Variants in PDE5A observed in about 807,000 individuals in gnomAD.
PDE5A encodes cGMP-specific 3',5'-cyclic phosphodiesterase.
PDE5A carries 67 observed loss-of-function variants against 110.2 expected under a neutral mutation model. The ratio of observed to expected loss-of-function variants is 0.61; its 90% CI spans 0.50 to 0.75. PDE5A has a LOEUF of 0.75. Ranked by LOEUF, PDE5A falls within the 30% of genes least tolerant of loss-of-function variation. The pLI is 0.00. For missense variants in PDE5A, 862 were observed against 1,045.1 expected, an observed-to-expected ratio of 0.82 and a Z score of 2.42; for synonymous variants, 328 against 351.2, an observed-to-expected ratio of 0.93 and a Z score of 0.74.
chr4:119,536,466 A>G (rs188755176), intron 11 of PDE5A, among the ~76,000 whole-genome samples: 17 of 152,206 alleles, frequency 1.1e-4, no homozygotes, highest in African/African-American at 3.6e-4. Flanking sequence ...AAATGGGCCA[A>G]TTAAGCCTGA....
Position 119,627,146 on chromosome 4 carries a change from G to T in PDE5A, c.152+1374C>A, listed in dbSNP as rs753062270. On this transcript the variant is annotated intron_variant, in intron 1 of 20. Transcript: ENST00000354960. The surrounding 1 kb of genome is among the most constrained non-coding windows in gnomAD (Gnocchi z 4.6). Reference sequence around the variant, plus strand: ...GGGACGTAGGGGGATGCTGAAGGAAGTACCTTGTTTTGTCTCCAAAGGGCA... The same window carrying T: ...GGGACGTAGGGGGATGCTGAAGGAATTACCTTGTTTTGTCTCCAAAGGGCA... The T allele has an allele frequency of 1.2e-6, 2 of 1,612,914 alleles. No homozygotes were observed. Among genetic ancestry groups the T allele is most frequent in the South Asian group, 2.2e-5 (2 of 90,932 alleles).
At chr4:119,550,576 G>T (rs1727311102) in intron 9 of PDE5A, 1 of 152,134 alleles carries the variant, frequency 6.6e-6, no homozygotes, top group Non-Finnish European at 1.5e-5. Flanking sequence ...AGTGACAAAG[G>T]GGCCTGATGC....
chr4:119,628,383 G>C, intron 1 of PDE5A, 137 bp downstream of exon 1: 4 of 605,872 alleles, frequency 6.6e-6, no homozygotes, highest in Non-Finnish European at 1.1e-5. Flanking sequence ...TGCTCGCTTA[G>C]AGTTGAGGTT....
rs998313122 is a variant in PDE5A, at chr4:119,496,585, CCAAA to C, written c.*2012_*2015del. On this transcript the variant is annotated 3_prime_UTR_variant, in exon 21 of 21. Transcript: ENST00000354960. ...TCTCAGTGACACATACTAGAGGGGA[CCAAA>C]CAAACTACTAAAGCATAAGTACATA... The C allele has an allele frequency of 9.2e-5, 14 of 152,524 alleles. No individual in the cohort carries two copies. Among genetic ancestry groups the C allele is most frequent in the African/African-American group, 2.2e-4 (9 of 41,534 alleles). 9.4% of individuals were successfully genotyped at this position (152,524 alleles called of 1,614,324 possible).
chr4:119,627,486 CG>C lies in PDE5A; in HGVS notation c.152+1033del, dbSNP rs917056822. 5.8e-6 allele frequency: 1 copy of C among 172,090 alleles called. No homozygotes were observed. Among genetic ancestry groups the C allele is most frequent in the African/African-American group, 2.4e-5 (1 of 41,796 alleles). 10.7% of individuals were successfully genotyped at this position (172,090 alleles called of 1,614,324 possible). A position where few individuals can be genotyped will look rare whatever the true frequency, so the allele number is the denominator to read the frequency against. On this transcript the variant is annotated intron_variant, in intron 1 of 20. Coordinates refer to ENST00000354960, the MANE Select transcript of PDE5A (RefSeq NM_001083.4). This position sits in a 1 kb window ranked among gnomAD's most constrained non-coding sequence, Gnocchi z 4.6. ...CCTCCCGGCCAAGACGGCCAGCACC[CG>C]CTGCCCGACGGCCGCTGCCCAGAGC...
At chr4:119,528,957 C>T (rs1726427009) in intron 11 of PDE5A, among the ~76,000 whole-genome samples, 1 of 152,118 alleles carries the variant, frequency 6.6e-6, no homozygotes, top group Non-Finnish European at 1.5e-5. Context: ...TGCTTCCTCA[C>T]AGGTAGGAGG....
At chr4:119,524,357 C>T (rs1403906687) in intron 12 of PDE5A, among the ~76,000 whole-genome samples, 2 of 152,090 alleles carry the variant, frequency 1.3e-5, no homozygotes, top group Admixed American at 6.6e-5. Context: ...CCAGTAACAG[C>T]CTTTCTAGAG....
At chr4:119,594,382 C>G (rs1482534588) in intron 3 of PDE5A, among the ~76,000 whole-genome samples, 1 of 152,078 alleles carries the variant, frequency 6.6e-6, no homozygotes, top group Non-Finnish European at 1.5e-5. Flanking sequence ...GTTTTGGGGG[C>G]CACGATTTTA....
chr4:119,520,785 T>A, intron 13 of PDE5A, 150 bp downstream of exon 13: 1 of 635,830 alleles, frequency 1.6e-6, no homozygotes, highest in Non-Finnish European at 2.5e-6. Flanking sequence ...TTAGTCCTCT[T>A]TAATTAACGA....
chr4:119,626,280 A>T (rs539415198), intron 1 of PDE5A, among the ~76,000 whole-genome samples: 2 of 152,196 alleles, frequency 1.3e-5, no homozygotes, highest in Non-Finnish European at 2.9e-5. Context: ...AATGTAACTC[A>T]GCTCTTTCCA....
intron 20 of PDE5A, 86 bp downstream of exon 20, chr4:119,501,084 A>C: frequency 5.3e-5 from 39 of 735,230 alleles, no homozygotes; most frequent in Non-Finnish European, 7.5e-5. Context: ...AGCAAAATAT[A>C]GGCGCCTAAT....
chr4:119,623,254 C>T (rs559018553), intron 1 of PDE5A, among the ~76,000 whole-genome samples: 2 of 152,290 alleles, frequency 1.3e-5, no homozygotes, highest in African/African-American at 4.8e-5. Context: ...TACATCTATG[C>T]AGCTAAACTA....
At chr4:119,542,322 G>T in intron 10 of PDE5A, 137 bp downstream of exon 10, 1 of 694,160 alleles carries the variant, frequency 1.4e-6, no homozygotes, top group Non-Finnish European at 2.4e-6. Context: ...AGGACAATAA[G>T]GATCTCATCA....
intron 7 of PDE5A, among the ~76,000 whole-genome samples, chr4:119,558,491 T>C (rs187650425): frequency 1.3e-5 from 2 of 152,250 alleles, no homozygotes; most frequent in Admixed American, 1.3e-4. Flanking sequence ...ATAATGAGAA[T>C]TGGAGTCCTA....
At chr4:119,601,350 A>C (rs1729337016) in intron 2 of PDE5A, among the ~76,000 whole-genome samples, 1 of 152,106 alleles carries the variant, frequency 6.6e-6, no homozygotes, top group Non-Finnish European at 1.5e-5. Flanking sequence ...AAGCTGGGAA[A>C]AATGAGGTCT....
At chr4:119,552,972 G>A (rs76584578) in intron 8 of PDE5A, among the ~76,000 whole-genome samples, 4,581 of 151,968 alleles carry the variant, frequency 0.03, 90 homozygotes, top group South Asian at 0.067. Context: ...ATAATTTAAC[G>A]AGAGGGGCAG....
intron 3 of PDE5A, among the ~76,000 whole-genome samples, chr4:119,578,823 C>A (rs993313235): frequency 1.3e-5 from 2 of 152,018 alleles, no homozygotes; most frequent in Admixed American, 1.3e-4. Context: ...ACAACAAAAG[C>A]CAAAATTGAC....
intron 3 of PDE5A, among the ~76,000 whole-genome samples, chr4:119,578,422 A>G (rs938286878): frequency 2.8e-4 from 42 of 152,342 alleles, no homozygotes; most frequent in Non-Finnish European, 5.9e-5. Flanking sequence ...GCATCACGCT[A>G]CCTGACTTCA....
rs532993591 is a variant in PDE5A, at chr4:119,559,997, T to C, written c.1199+299A>G. ...CAAGTTACACCCCACCCTTTGCTAA[T>C]TCCTAAAATCCTTTAATAGGAGAAA... is the stretch of plus-strand genomic sequence containing the variant. On this transcript the variant is annotated intron_variant, in intron 7 of 20. Transcript: ENST00000354960. Among the ~76,000 whole-genome samples the C allele has an allele frequency of 3.5e-4, 53 of 152,310 alleles. 1 individual carries two copies. In the South Asian group the frequency reaches 0.011, roughly 31 times the overall value.
Sources: allele counts gnomAD v4.1 joint callset (sites outside exome capture counted in the v4.1 genomes callset), GRCh38; gene constraint gnomAD v4.1.1; non-coding constraint Gnocchi (gnomAD v3.1); transcripts MANE v1.5; gene names NCBI Gene and HGNC (gene_info 2026-07-23, HGNC 2026-07-21).